Variants in ZDHHC3 observed in about 807,000 individuals in gnomAD.
The protein encoded by ZDHHC3 is zDHHC palmitoyltransferase 3.
A neutral mutation model predicts 30.6 loss-of-function variants in ZDHHC3; 9 were observed. The observed-to-expected ratio is 0.29, with a 90% CI of 0.18 to 0.51. The LOEUF is 0.51. Ranked by LOEUF, ZDHHC3 falls within the 20% of genes least tolerant of loss-of-function variation. The pLI, the probability that ZDHHC3 is intolerant of heterozygous loss-of-function variation, is 0.97. For synonymous variants in ZDHHC3, 136 were observed against 140.2 expected (o/e 0.97, Z 0.21); for missense variants, 246 against 384.2 (o/e 0.64, Z 3.01).
chr3:44,923,846 G>A lies in ZDHHC3; in HGVS notation c.*2843C>T. The A allele has an allele frequency of 1.0e-6, 1 of 985,306 alleles. No homozygotes were observed. Among genetic ancestry groups the A allele is most frequent in the Non-Finnish European group, 1.2e-6 (1 of 829,916 alleles). 61.0% of individuals were successfully genotyped at this position (985,306 alleles called of 1,614,324 possible). On this transcript the variant is annotated 3_prime_UTR_variant, in exon 7 of 7. Transcript: ENST00000424952. ...ACAGTATGAAGAAGACAAAATGGTG[G>A]GACTAAAAGGAGATTTAGCACATGC...
At chr3:44,927,813 T>C (rs1171277660) in intron 6 of ZDHHC3, among the ~76,000 whole-genome samples, 3 of 152,210 alleles carry the variant, frequency 2.0e-5, no homozygotes, top group Non-Finnish European at 4.4e-5. Flanking sequence ...CAGGGGTCTG[T>C]CTGCTGTGGT....
At position 44,925,551 on chromosome 3, in the gene ZDHHC3, G is replaced by C; in HGVS notation, c.*1138C>G. On this transcript the variant is annotated 3_prime_UTR_variant, in exon 7 of 7. Transcript: ENST00000424952. ...AATCTATTCTGTCCCAGTGCCACAG[G>C]CTTAGGTGTGTCTGTGGATTCTGGC... 1.0e-6 allele frequency: 1 copy of C among 985,468 alleles called. No individual in the cohort carries two copies. Among genetic ancestry groups the C allele is most frequent in the Non-Finnish European group, 1.2e-6 (1 of 829,952 alleles). The allele number at this position is 985,468 out of a possible 1,614,324, so 61.0% of individuals were successfully genotyped here.
chr3:44,951,665 C>T (rs1243729304), intron 2 of ZDHHC3, among the ~76,000 whole-genome samples: 4 of 152,146 alleles, frequency 2.6e-5, no homozygotes, highest in South Asian at 4.1e-4. Flanking sequence ...GCTCTGAGCT[C>T]TCCCTGCCCT....
At chr3:44,970,677 C>A (rs573075029) in intron 1 of ZDHHC3, among the ~76,000 whole-genome samples, 4 of 152,336 alleles carry the variant, frequency 2.6e-5, no homozygotes, top group Admixed American at 2.6e-4. Flanking sequence ...TAGTAACTAT[C>A]TCTCTTAGCA....
chr3:44,969,156 C>A (rs1422297993), intron 1 of ZDHHC3, among the ~76,000 whole-genome samples: 1 of 152,196 alleles, frequency 6.6e-6, no homozygotes, highest in Admixed American at 6.5e-5. Flanking sequence ...CCCTTGTAAT[C>A]CAGTGCATGA....
intron 2 of ZDHHC3, among the ~76,000 whole-genome samples, chr3:44,947,507 G>A (rs1300640883): frequency 6.6e-6 from 1 of 152,180 alleles, no homozygotes; most frequent in Admixed American, 6.5e-5. Context: ...CAGCATTACT[G>A]AGAAGGTTAA....
chr3:44,959,482 C>G lies in ZDHHC3; in HGVS notation c.-24-22G>C. The G allele has an allele frequency of 6.3e-7, 1 of 1,577,670 alleles. No individual in the cohort carries two copies. The highest frequency in any genetic ancestry group is 1.2e-5 in the South Asian group (1 of 86,420). On this transcript the variant is annotated intron_variant, in intron 1 of 6. Transcript: ENST00000424952. The surrounding 1 kb of genome is among the most constrained non-coding windows in gnomAD (Gnocchi z 4.3). ...GCATCTGAAAGAGAGAGGAAAGAAT[C>G]CAGAAACTTGGTGTTGTCTTGTCAT...
chr3:44,965,141 T>C (rs1252303271), intron 1 of ZDHHC3, among the ~76,000 whole-genome samples: 3 of 152,130 alleles, frequency 2.0e-5, no homozygotes, highest in South Asian at 2.1e-4. Flanking sequence ...TATTCCTTCA[T>C]AGAGTTCTAG....
intron 1 of ZDHHC3, among the ~76,000 whole-genome samples, chr3:44,972,851 T>G (rs972085838): frequency 1.3e-4 from 20 of 152,214 alleles, no homozygotes; most frequent in Non-Finnish European, 2.2e-4. Context: ...CTCACAGGCA[T>G]GCAAACACAC....
chr3:44,948,239 T>A (rs1010725864), intron 2 of ZDHHC3, among the ~76,000 whole-genome samples: 2 of 152,110 alleles, frequency 1.3e-5, no homozygotes, highest in Non-Finnish European at 2.9e-5. Flanking sequence ...GTTGGACCGA[T>A]GGATTATAAC....
intron 2 of ZDHHC3, among the ~76,000 whole-genome samples, chr3:44,957,520 C>T (rs1013860871): frequency 1.3e-5 from 2 of 152,184 alleles, no homozygotes; most frequent in African/African-American, 4.8e-5. Context: ...AACTCCCATC[C>T]TCCTCCTTAG....
At position 44,926,485 on chromosome 3, in the gene ZDHHC3, A is replaced by C; in HGVS notation, c.*204T>G. 7.8e-7 allele frequency: 1 copy of C among 1,282,572 alleles called. No homozygotes were observed. Among genetic ancestry groups the C allele is most frequent in the South Asian group, 2.9e-5 (1 of 34,792 alleles). The allele number at this position is 1,282,572 out of a possible 1,614,324, so 79.4% of individuals were successfully genotyped here. On this transcript the variant is annotated 3_prime_UTR_variant, in exon 7 of 7. Coordinates refer to ENST00000424952, the MANE Select transcript of ZDHHC3 (RefSeq NM_001135179.2). The stretch of plus-strand genomic sequence containing the variant: ...AAAAGAGAGCAGCTTCGGTCACCAA[A>C]AGAAATCGAAAGGATGGTTTTTAAA...
intron 3 of ZDHHC3, among the ~76,000 whole-genome samples, chr3:44,942,355 C>A (rs1056800167): frequency 1.9e-4 from 29 of 152,242 alleles, no homozygotes; most frequent in African/African-American, 6.8e-4. Flanking sequence ...CAGTTGTCAG[C>A]ATGCATTTCT....
At chr3:44,967,621 G>A (rs998200401) in intron 1 of ZDHHC3, among the ~76,000 whole-genome samples, 2 of 152,098 alleles carry the variant, frequency 1.3e-5, no homozygotes, top group African/African-American at 4.8e-5. Context: ...CCACTCATTT[G>A]GGTAACACGG....
At position 44,959,404 on chromosome 3, in the gene ZDHHC3, G is replaced by A. The variant is rs370094075; in HGVS notation, c.33C>T (p.Asn11=). 1.9e-3 allele frequency: 3,069 copies of A among 1,614,166 alleles called. 60 individuals carry two copies. The South Asian group carries it at 0.032, about 17-fold the overall frequency. ...GGAGGTATTCTGGTTTCCGCTCAATGTTTCGGAAGTGGTGGGTGGGGATAA... is the reference window on the plus strand; with the variant it reads ...GGAGGTATTCTGGTTTCCGCTCAATATTTCGGAAGTGGTGGGTGGGGATAA... The part of the protein sequence containing the change: MMLIPTHHFR[N]IERKPEYLQP... The change falls in exon 2 of 7, where the codon AAC becomes AAT. Residue 11 remains asparagine, a synonymous_variant. Coordinates refer to ENST00000424952, the MANE Select transcript of ZDHHC3 (RefSeq NM_001135179.2). This position sits in a 1 kb window ranked among gnomAD's most constrained non-coding sequence, Gnocchi z 4.3.
At chr3:44,967,461 A>T (rs1337560052) in intron 1 of ZDHHC3, among the ~76,000 whole-genome samples, 1 of 152,200 alleles carries the variant, frequency 6.6e-6, no homozygotes, top group Non-Finnish European at 1.5e-5. Context: ...AGGCAAGAGG[A>T]TCACTGGAGC....
chr3:44,924,299 T>C lies in ZDHHC3; in HGVS notation c.*2390A>G, dbSNP rs1335878172. 3.0e-6 allele frequency: 3 copies of C among 985,336 alleles called. No individual in the cohort carries two copies. The highest frequency in any genetic ancestry group is 1.2e-4 in the Admixed American group (2 of 16,262). The allele number at this position is 985,336 out of a possible 1,614,324, so 61.0% of individuals were successfully genotyped here. ...TGGGAACCAATCACTACCCTGCAAA[T>C]GATGGCTACATTCCTCAGTCATTGT... is the stretch of plus-strand genomic sequence containing the variant. On this transcript the variant is annotated 3_prime_UTR_variant, in exon 7 of 7. Coordinates refer to ENST00000424952, the MANE Select transcript of ZDHHC3 (RefSeq NM_001135179.2).
At position 44,925,775 on chromosome 3, in the gene ZDHHC3, G is replaced by A. The variant is rs75358862; in HGVS notation, c.*914C>T. 164 of 985,804 alleles carry A rather than the reference G, an allele frequency of 1.7e-4. 1 individual carries two copies. In the East Asian group the frequency reaches 0.013, roughly 76 times the overall value. 61.1% of individuals were successfully genotyped at this position (985,804 alleles called of 1,614,324 possible). A position where few individuals can be genotyped will look rare whatever the true frequency, so the allele number is the denominator to read the frequency against. ...ATAAAATGAGAAGGGGATGATGGTG[G>A]GGCTGTATGTGTTGGGCACTGGTGC... is the stretch of plus-strand genomic sequence containing the variant. On this transcript the variant is annotated 3_prime_UTR_variant, in exon 7 of 7. Transcript: ENST00000424952.
intron 2 of ZDHHC3, among the ~76,000 whole-genome samples, chr3:44,949,021 C>T (rs565337079): frequency 6.6e-6 from 1 of 152,246 alleles, no homozygotes; most frequent in East Asian, 1.9e-4. Flanking sequence ...GCTGCAGGCT[C>T]AGACTGAGAG....
Sources: gnomAD v4.1 joint callset for allele counts (sites outside exome capture counted in the v4.1 genomes callset) on GRCh38, gnomAD v4.1.1 for gene constraint, Gnocchi (gnomAD v3.1) non-coding constraint, MANE v1.5 for transcripts, NCBI Gene and HGNC (gene_info 2026-07-23, HGNC 2026-07-21) for gene names.